RUSC2: variants seen among roughly 807,000 people sequenced by gnomAD.
RUSC2 encodes AP-4 complex accessory subunit RUSC2.
RUSC2 carries 34 observed loss-of-function variants against 122.2 expected under a neutral mutation model. The observed-to-expected ratio is 0.28, with a 90% CI of 0.21 to 0.37. The LOEUF (loss-of-function observed/expected upper bound fraction) is 0.37, where lower values mean the gene tolerates loss of function less well. RUSC2 is among the 10% of genes least tolerant of loss of function. The pLI, the probability that RUSC2 is intolerant of heterozygous loss-of-function variation, is 1.00. For missense variants in RUSC2, 1,747 were observed against 1,952.4 expected, an observed-to-expected ratio of 0.89 and a Z score of 1.98; for synonymous variants, 784 against 790.0, an observed-to-expected ratio of 0.99 and a Z score of 0.13.
intron 1 of RUSC2, among the ~76,000 whole-genome samples, chr9:35,514,700 C>T (rs143212071): frequency 6.4e-4 from 97 of 152,130 alleles, no homozygotes; most frequent in Admixed American, 5.4e-3. Context: ...TCATCAGCAA[C>T]GGAAGTACAG....
chr9:35,546,825 C>G lies in RUSC2; in HGVS notation c.304C>G (p.Pro102Ala), dbSNP rs750839429. The change falls in exon 2 of 12, where the codon CCC (proline) becomes GCC (alanine). Residue 102 changes from proline to alanine, a missense_variant. By Grantham distance (27) the Pro-to-Ala change is conservative. Coordinates refer to ENST00000361226, the MANE Select transcript of RUSC2 (RefSeq NM_014806.5). This position sits in a 1 kb window ranked among gnomAD's most constrained non-coding sequence, Gnocchi z 4.3. ...CCCTGGAGCCCCCAAACGACACAAC[C>G]CCTTCTTGCTGCAGGAGGGTGTGGG... ...RGPGAPKRHN[P>A]FLLQEGVGEP... is the part of the protein sequence containing the mutation. The G allele has an allele frequency of 1.9e-6, 3 of 1,611,912 alleles. No homozygotes were observed. Among genetic ancestry groups the G allele is most frequent in the Non-Finnish European group, 2.5e-6 (3 of 1,179,030 alleles).
rs181257581 is a variant in RUSC2 at position 35,536,704 on chromosome 9, C to A, written c.-92-9726C>A. 3.5e-3 allele frequency among the ~76,000 whole-genome samples: 527 copies of A among 150,354 alleles called. 14 individuals are homozygous for A. Among genetic ancestry groups the A allele is most frequent in the Admixed American group, 0.031 (460 of 14,908 alleles). Reference sequence around the variant, plus strand: ...TGGCAGGTGCCTGTAATCCCAGCTACTCGGGAGGCTGAGACAGGAGAATCA... The same window carrying A: ...TGGCAGGTGCCTGTAATCCCAGCTAATCGGGAGGCTGAGACAGGAGAATCA... On this transcript the variant is annotated intron_variant, in intron 1 of 11. Transcript: ENST00000361226.
chr9:35,490,356 G>T lies in RUSC2; in HGVS notation c.-93+184G>T, dbSNP rs374363495. On this transcript the variant is annotated intron_variant, in intron 1 of 11. Coordinates refer to ENST00000361226, the MANE Select transcript of RUSC2 (RefSeq NM_014806.5). ...CGCCCCGACCCCCTGGGCAGACCTC[G>T]TCCCCAGCCCTTCTGACCCTTGGCC... 9.9e-5 allele frequency among the ~76,000 whole-genome samples: 15 copies of T among 150,918 alleles called. No individual in the cohort carries two copies. The East Asian group carries it at 2.2e-3, about 22-fold the overall frequency.
At chr9:35,543,310 T>C (rs1742289833) in intron 1 of RUSC2, among the ~76,000 whole-genome samples, 1 of 152,000 alleles carries the variant, frequency 6.6e-6, no homozygotes, top group African/African-American at 2.4e-5. Context: ...CCTGTGGTCC[T>C]AGCTACTCAG....
intron 1 of RUSC2, among the ~76,000 whole-genome samples, chr9:35,541,005 C>A (rs557700338): frequency 6.6e-6 from 1 of 152,182 alleles, no homozygotes; most frequent in South Asian, 2.1e-4. Context: ...AAATTAATGG[C>A]ACATAAGTGT....
At position 35,548,136 on chromosome 9, in the gene RUSC2, A is replaced by G. The variant is rs1453612909; in HGVS notation, c.1615A>G (p.Arg539Gly). The change falls in exon 2 of 12, where the codon AGG becomes GGG. Residue 539 changes from arginine to glycine, a missense_variant. Arg to Gly is a moderately radical substitution (Grantham distance 125, BLOSUM62 -2). Transcript: ENST00000361226. This position sits in a 1 kb window ranked among gnomAD's most constrained non-coding sequence, Gnocchi z 4.5. ...CATGGCCGGGCCTGGCTCCCCACCC[A>G]GGAGGGTCACCTCCTTTGCCGAGCT... ...AAMAGPGSPP[R>G]RVTSFAELAK... 1 of 1,613,138 alleles carries G rather than the reference A, an allele frequency of 6.2e-7. No homozygotes were observed. Among genetic ancestry groups the G allele is most frequent in the Non-Finnish European group, 8.5e-7 (1 of 1,180,018 alleles).
In RUSC2 at chr9:35,561,809, AGAGG is replaced by A. The variant is rs533641698; in HGVS notation, c.*432_*435del. 7 of 581,328 alleles carry A rather than the reference AGAGG, an allele frequency of 1.2e-5. No homozygotes were observed. The South Asian group carries it at 1.6e-4, about 13-fold the overall frequency. 36.0% of individuals were successfully genotyped at this position (581,328 alleles called of 1,614,324 possible). ...CTGTGGCCAGTGCCTGGTCATCAGA[AGAGG>A]GAGGAGGAGCCCAGGCGTCTGTTTA... is the stretch of plus-strand genomic sequence containing the variant. On this transcript the variant is annotated 3_prime_UTR_variant, in exon 12 of 12. Coordinates refer to ENST00000361226, the MANE Select transcript of RUSC2 (RefSeq NM_014806.5).
At chr9:35,501,711 G>A (rs1049142649) in intron 1 of RUSC2, among the ~76,000 whole-genome samples, 2 of 152,206 alleles carry the variant, frequency 1.3e-5, no homozygotes, top group East Asian at 1.9e-4. Flanking sequence ...GCCAACCATG[G>A]TTCGAGAGAC....
intron 1 of RUSC2, among the ~76,000 whole-genome samples, chr9:35,535,823 AGCCACCGTGCCCG>A (rs1010000082): frequency 2.0e-5 from 3 of 152,182 alleles, no homozygotes; most frequent in African/African-American, 7.2e-5. Context: ...TACAGGCATG[AGCCACCGTGCCCG>A]GCCAAGCATC....
intron 1 of RUSC2, among the ~76,000 whole-genome samples, chr9:35,499,348 A>G (rs1222799696): frequency 6.6e-6 from 1 of 152,226 alleles, no homozygotes; most frequent in Admixed American, 6.5e-5. Context: ...AGCCTACATA[A>G]TACATTTTAA....
chr9:35,538,628 A>G (rs534385561), intron 1 of RUSC2: 1 of 152,680 alleles, frequency 6.5e-6, no homozygotes, highest in South Asian at 2.1e-4. Flanking sequence ...GGCTCTGCCC[A>G]GACATCTTCC....
At chr9:35,535,450 T>TTC (rs1564257323) in intron 1 of RUSC2, among the ~76,000 whole-genome samples, 1 of 149,978 alleles carries the variant, frequency 6.7e-6, no homozygotes, top group East Asian at 2.0e-4. Flanking sequence ...TTTTTTTTTT[T>TTC]CACATGGAAA....
chr9:35,559,485 A>T (rs1822094611), intron 9 of RUSC2, among the ~76,000 whole-genome samples: 1 of 152,186 alleles, frequency 6.6e-6, no homozygotes, highest in South Asian at 2.1e-4. Context: ...CTGTAATCCC[A>T]GCACTTTGGG....
chr9:35,509,514 A>G (rs1820975936), intron 1 of RUSC2, among the ~76,000 whole-genome samples: 1 of 152,130 alleles, frequency 6.6e-6, no homozygotes. Context: ...TCCTTTCTAT[A>G]TATTTTCCCG....
At chr9:35,536,275 C>T (rs898786042) in intron 1 of RUSC2, among the ~76,000 whole-genome samples, 2 of 152,186 alleles carry the variant, frequency 1.3e-5, no homozygotes, top group African/African-American at 2.4e-5. Context: ...AAGTTGTTTT[C>T]TTGTCTGTAA....
intron 1 of RUSC2, among the ~76,000 whole-genome samples, chr9:35,508,209 A>C (rs1050810621): frequency 1.3e-5 from 2 of 152,188 alleles, no homozygotes; most frequent in Non-Finnish European, 2.9e-5. Flanking sequence ...CTCTAGTTGG[A>C]GGAAATATTC....
intron 1 of RUSC2, among the ~76,000 whole-genome samples, chr9:35,513,730 G>C (rs1821051055): frequency 6.7e-6 from 1 of 150,072 alleles, no homozygotes; most frequent in South Asian, 2.1e-4. Flanking sequence ...TTTAAATTTT[G>C]GCCAGGTGCA....
chr9:35,536,535 G>A (rs1821530372), intron 1 of RUSC2, among the ~76,000 whole-genome samples: 1 of 152,190 alleles, frequency 6.6e-6, no homozygotes, highest in South Asian at 2.1e-4. Flanking sequence ...AGCCAAGGCT[G>A]GGCACGGTGG....
At chr9:35,501,875 C>T (rs762046844) in intron 1 of RUSC2, among the ~76,000 whole-genome samples, 29 of 152,100 alleles carry the variant, frequency 1.9e-4, no homozygotes, top group Middle Eastern at 6.8e-3. Context: ...TTTTTTTAAT[C>T]CACTCTAGTC....
Sources: allele counts gnomAD v4.1 joint callset (sites outside exome capture counted in the v4.1 genomes callset), GRCh38; gene constraint gnomAD v4.1.1; non-coding constraint Gnocchi (gnomAD v3.1); transcripts MANE v1.5; gene names NCBI Gene and HGNC (gene_info 2026-07-23, HGNC 2026-07-21).